Variants in RALGDS observed in about 807,000 individuals in gnomAD.
RALGDS encodes the protein ral guanine nucleotide dissociation stimulator, also known as ral guanine nucleotide exchange factor.
RALGDS carries 44 observed loss-of-function variants against 99.8 expected under a neutral mutation model. The ratio of observed to expected loss-of-function variants is 0.44; its 90% confidence interval spans 0.35 to 0.57. The LOEUF (loss-of-function observed/expected upper bound fraction) is 0.57. Ranked by LOEUF, RALGDS falls within the 20% of genes least tolerant of loss-of-function variation. The pLI is 0.01. For missense variants in RALGDS, 1,022 were observed against 1,203.1 expected, an observed-to-expected ratio of 0.85 and a Z score of 2.23; for synonymous variants, 529 against 505.0, an observed-to-expected ratio of 1.05 and a Z score of -0.64.
upstream of RALGDS, among the ~76,000 whole-genome samples, chr9:133,122,540 G>A (rs1448039313): frequency 2.0e-5 from 3 of 152,318 alleles, no homozygotes; most frequent in African/African-American, 7.2e-5. Flanking sequence ...CTGGAGTGAG[G>A]CGGCAGTTCA....
intron 4 of RALGDS, 88 bp downstream of exon 4, chr9:133,109,538 C>A: frequency 4.8e-6 from 6 of 1,248,254 alleles, no homozygotes; most frequent in Non-Finnish European, 7.1e-6. Flanking sequence ...TTCTGCCCAG[C>A]CAGCCCCGGC....
chr9:133,107,896 C>T lies in RALGDS; in HGVS notation c.1197+92G>A. 13 of 1,500,914 alleles carry T rather than the reference C, an allele frequency of 8.7e-6. 1 individual carries two copies. The South Asian group carries it at 1.4e-4, about 16-fold the overall frequency. 93.0% of individuals were successfully genotyped at this position (1,500,914 alleles called of 1,614,324 possible). ...CAGCAGAGCTGGGATTTGACCAGAA[C>T]ATCAGCTCTGGATCAGCAAATGGTA... On this transcript the variant is annotated intron_variant, in intron 6 of 17. Transcript: ENST00000372050.
chr9:133,120,438 C>CA (rs1554742353), intron 1 of RALGDS, among the ~76,000 whole-genome samples: 2,183 of 143,164 alleles, frequency 0.015, 72 homozygotes, highest in African/African-American at 0.052. Flanking sequence ...ACCCCCCCCC[C>CA]ACCCCGCTCT....
At chr9:133,136,726 G>A (rs952766550) in intron 1 of RALGDS, among the ~76,000 whole-genome samples, 2 of 152,126 alleles carry the variant, frequency 1.3e-5, no homozygotes, top group Admixed American at 6.5e-5. Context: ...GACCAAGATC[G>A]TGCCACTGCA....
In RALGDS at chr9:133,108,778, C is replaced by T. The variant is rs1302427744; in HGVS notation, c.673G>A (p.Val225Met). ...GGCATGTTGAGCTGCACGTAGGCCACCAGCTGCTTGAGGCAGGGAAAGTCC... is the reference window on the plus strand; with the variant it reads ...GGCATGTTGAGCTGCACGTAGGCCATCAGCTGCTTGAGGCAGGGAAAGTCC... ...PPDFPCLKQL[V>M]AYVQLNMPGS... The change falls in exon 5 of 18, where the codon GTG (valine) becomes ATG (methionine). Residue 225 changes from valine (V) to methionine (M), a missense_variant. Physicochemically the swap from Val to Met is conservative, Grantham distance 21. This residue lies in a region of RALGDS where 825 missense variants were observed against 994.5 expected (regional missense o/e 0.83). Transcript: ENST00000372050. 2.5e-6 allele frequency: 4 copies of T among 1,613,662 alleles called. No homozygotes were observed. Among genetic ancestry groups the T allele is most frequent in the Non-Finnish European group, 3.4e-6 (4 of 1,180,030 alleles).
In RALGDS at chr9:133,107,309, G is replaced by A; in HGVS notation, c.1198-9C>T. 1 of 1,607,934 alleles carries A rather than the reference G, an allele frequency of 6.2e-7. No individual in the cohort carries two copies. Reference sequence around the variant, plus strand: ...ACCTTCTTGAACAGTTCCTGGGGAGGAGGCTAAATGTCACCTGGTCCTGCC... The same window carrying A: ...ACCTTCTTGAACAGTTCCTGGGGAGAAGGCTAAATGTCACCTGGTCCTGCC... On this transcript the variant is annotated splice_polypyrimidine_tract_variant and intron_variant, in intron 6 of 17. Coordinates refer to ENST00000372050, the MANE Select transcript of RALGDS (RefSeq NM_006266.4).
At chr9:133,117,029 C>T (rs2119196977) in intron 1 of RALGDS, among the ~76,000 whole-genome samples, 1 of 152,294 alleles carries the variant, frequency 6.6e-6, no homozygotes. Context: ...TGTGGACGTG[C>T]CCTGGGCAAA....
upstream of RALGDS, among the ~76,000 whole-genome samples, chr9:133,123,764 AC>A (rs1832032542): frequency 1.5e-5 from 2 of 137,662 alleles, 1 homozygote. Flanking sequence ...ACACACACAC[AC>A]ACACAGAGAC....
intron 14 of RALGDS, 21 bp downstream of exon 14, chr9:133,102,455 C>G: frequency 6.2e-7 from 1 of 1,610,316 alleles, no homozygotes. Context: ...CTGCCCCTAC[C>G]ACCCTTGGCC....
chr9:133,121,594 C>G (rs368959569), upstream of RALGDS, among the ~76,000 whole-genome samples: 1,332 of 89,606 alleles, frequency 0.015, 18 homozygotes, highest in African/African-American at 0.037. Flanking sequence ...ACGTGCTGAT[C>G]ATGTGTGGGG....
At chr9:133,122,530 C>A (rs566137028), upstream of RALGDS, among the ~76,000 whole-genome samples, 18 of 152,326 alleles carry the variant, frequency 1.2e-4, no homozygotes, top group African/African-American at 4.3e-4. Context: ...TCCACTGTGA[C>A]TGGAGTGAGG....
rs1830589287 is a variant in RALGDS at position 133,098,201 on chromosome 9, A to G, written c.*386T>C. The G allele has an allele frequency of 7.7e-6, 3 of 389,786 alleles. No homozygotes were observed. Among genetic ancestry groups the G allele is most frequent in the South Asian group, 5.6e-5 (2 of 35,522 alleles). 24.1% of individuals were successfully genotyped at this position (389,786 alleles called of 1,614,324 possible). On this transcript the variant is annotated 3_prime_UTR_variant, in exon 18 of 18. Transcript: ENST00000372050. ...GTGCCTGTGGGCATGAGAGAACTGC[A>G]GTGGTCACAGTGGGTGCTCTGGGGT...
upstream of RALGDS, among the ~76,000 whole-genome samples, chr9:133,122,602 C>T (rs1831990519): frequency 1.3e-5 from 2 of 152,228 alleles, no homozygotes; most frequent in Admixed American, 6.5e-5. Flanking sequence ...GCCTACTTCA[C>T]AAAAATTATG....
rs1043198456 is a variant in RALGDS at position 133,144,464 on chromosome 9, G to A, written c.18+4499C>T. Among the ~76,000 whole-genome samples, 8 of 152,214 alleles carry A rather than the reference G, an allele frequency of 5.3e-5. No individual in the cohort carries two copies. The highest frequency in any genetic ancestry group is 1.2e-4 in the Non-Finnish European group (8 of 68,036). ...CCCGCCTGGTTTGATTTCCTCCCGT[G>A]TGTGTCACCCATGAGGTGGCCGTGC... On this transcript the variant is annotated intron_variant, in intron 1 of 17. Coordinates refer to the RALGDS transcript ENST00000393160. This position sits in a 1 kb window ranked among gnomAD's most constrained non-coding sequence, Gnocchi z 4.5.
At chr9:133,139,037 C>T (rs774168822) in intron 1 of RALGDS, among the ~76,000 whole-genome samples, 14 of 152,296 alleles carry the variant, frequency 9.2e-5, no homozygotes, top group Middle Eastern at 3.4e-3. Context: ...TGTCCCCACA[C>T]GCAGCCACAC....
exon 1 of RALGDS, chr9:133,148,981 C>G: frequency 6.3e-7 from 1 of 1,594,186 alleles, no homozygotes; most frequent in Non-Finnish European, 8.5e-7. Flanking sequence ...CTACCATCAT[C>G]CTCAGCCTCG....
At chr9:133,122,766 G>A (rs1831994339), upstream of RALGDS, among the ~76,000 whole-genome samples, 1 of 152,200 alleles carries the variant, frequency 6.6e-6, no homozygotes, top group South Asian at 2.1e-4. Context: ...GTGCAGTGGT[G>A]TGATCTCGGC....
At chr9:133,143,165 T>C (rs56997915) in intron 1 of RALGDS, among the ~76,000 whole-genome samples, 7,311 of 152,294 alleles carry the variant, frequency 0.048, 582 homozygotes, top group African/African-American at 0.17. Context: ...CGTGCAATGG[T>C]GACTGACCAC....
At chr9:133,120,820 A>T in intron 1 of RALGDS, 152 bp downstream of exon 1, 1 of 874,950 alleles carries the variant, frequency 1.1e-6, no homozygotes, top group Non-Finnish European at 1.6e-6. Context: ...ATTTCTGCAG[A>T]AGGCCCCGAC....
Sources: allele counts gnomAD v4.1 joint callset (sites outside exome capture counted in the v4.1 genomes callset), GRCh38; gene constraint gnomAD v4.1.1; regional missense constraint gnomAD v4.1.1; non-coding constraint Gnocchi (gnomAD v3.1); transcripts MANE v1.5; gene names NCBI Gene and HGNC (gene_info 2026-07-23, HGNC 2026-07-21).